GRM8: variants seen among roughly 807,000 people sequenced by gnomAD.
GRM8 encodes the protein metabotropic glutamate receptor 8.
A neutral mutation model predicts 87.2 loss-of-function variants in GRM8; 47 were observed. The ratio of observed to expected loss-of-function variants is 0.54; its 90% CI spans 0.43 to 0.69. The LOEUF (loss-of-function observed/expected upper bound fraction) is 0.69. GRM8 is among the 30% of genes least tolerant of loss of function. The pLI, the probability that GRM8 is intolerant of heterozygous loss-of-function variation, is 0.00. For missense variants in GRM8, 1,019 were observed against 1,139.2 expected (o/e 0.89, Z 1.52); for synonymous variants, 396 against 404.5 (o/e 0.98, Z 0.25).
At chr7:126,720,556 G>T (rs1455399314) in intron 7 of GRM8, among the ~76,000 whole-genome samples, 1 of 152,174 alleles carries the variant, frequency 6.6e-6, no homozygotes, top group Middle Eastern at 3.4e-3. Flanking sequence ...AACCAAAAAT[G>T]TTGCAGTATA....
intron 2 of GRM8, among the ~76,000 whole-genome samples, chr7:127,164,933 A>G (rs181084894): frequency 2.4e-4 from 36 of 151,882 alleles, no homozygotes; most frequent in Admixed American, 1.1e-3. Context: ...ATTTATTAGA[A>G]TTTATATCAG....
At chr7:126,949,207 C>T (rs1471689130) in intron 3 of GRM8, among the ~76,000 whole-genome samples, 1 of 152,146 alleles carries the variant, frequency 6.6e-6, no homozygotes, top group African/African-American at 2.4e-5. Flanking sequence ...AAGCACCTTG[C>T]CTATTTCTAG....
At chr7:126,592,229 T>C (rs894778976) in intron 8 of GRM8, among the ~76,000 whole-genome samples, 1 of 151,604 alleles carries the variant, frequency 6.6e-6, no homozygotes, top group Non-Finnish European at 1.5e-5. Flanking sequence ...ATATCAATTA[T>C]TTAAAACCTT....
intron 9 of GRM8, among the ~76,000 whole-genome samples, chr7:126,481,843 T>C (rs1210642641): frequency 2.0e-5 from 3 of 152,082 alleles, no homozygotes; most frequent in Non-Finnish European, 4.4e-5. Flanking sequence ...ACCATAGTTA[T>C]ATGCAATGTT....
rs913151785 is a variant in GRM8 at position 126,482,100 on chromosome 7, G to A, written c.2431-35728C>T. On this transcript the variant is annotated intron_variant, in intron 9 of 10. Transcript: ENST00000339582. Reference sequence around the variant, plus strand: ...GTAGGAAAATGCAAATCATAAGTATGAGACACCACCTGATACCCATTAGGA... The same window carrying A: ...GTAGGAAAATGCAAATCATAAGTATAAGACACCACCTGATACCCATTAGGA... 2.0e-5 allele frequency among the ~76,000 whole-genome samples: 3 copies of A among 151,988 alleles called. No homozygotes were observed. The East Asian group carries it at 5.8e-4, about 29-fold the overall frequency.
At chr7:126,741,863 C>T (rs991182687) in intron 7 of GRM8, among the ~76,000 whole-genome samples, 1 of 151,998 alleles carries the variant, frequency 6.6e-6, no homozygotes, top group African/African-American at 2.4e-5. Flanking sequence ...GACTAAGTTC[C>T]TTGTCTGTAA....
At chr7:127,071,582 A>T (rs1319784927) in intron 3 of GRM8, among the ~76,000 whole-genome samples, 1 of 152,182 alleles carries the variant, frequency 6.6e-6, no homozygotes, top group Non-Finnish European at 1.5e-5. Context: ...AGTTGGTCGG[A>T]CTGGATCAAA....
intron 3 of GRM8, among the ~76,000 whole-genome samples, chr7:126,919,940 C>T (rs1804342079): frequency 6.6e-6 from 1 of 152,112 alleles, no homozygotes; most frequent in South Asian, 2.1e-4. Flanking sequence ...GAAAATAGAA[C>T]ACATTCATTT....
At chr7:127,207,007 T>C (rs1018013114) in intron 2 of GRM8, among the ~76,000 whole-genome samples, 3 of 152,106 alleles carry the variant, frequency 2.0e-5, no homozygotes, top group Admixed American at 6.5e-5. Context: ...CAAACATGAA[T>C]GCGTGTGAGG....
chr7:127,038,842 A>G (rs1818093108), intron 3 of GRM8, among the ~76,000 whole-genome samples: 1 of 152,244 alleles, frequency 6.6e-6, no homozygotes, highest in Non-Finnish European at 1.5e-5. Flanking sequence ...ACAACTAGAA[A>G]TAATGACAGT....
At chr7:127,213,273 G>T (rs1306497803) in intron 2 of GRM8, among the ~76,000 whole-genome samples, 1 of 152,112 alleles carries the variant, frequency 6.6e-6, no homozygotes, top group Non-Finnish European at 1.5e-5. Context: ...TATTATGGTA[G>T]CCACTAGCCA....
rs945695449 is a variant in GRM8, at chr7:126,526,677, T to C, written c.2430+6275A>G. Among the ~76,000 whole-genome samples the C allele has an allele frequency of 3.9e-5, 6 of 152,302 alleles. No individual in the cohort carries two copies. In the South Asian group the frequency reaches 1.2e-3, roughly 32 times the overall value. ...AAGAAGATGGCTTCCCCCAAAAGAA[T>C]TCCTCCAAATGTTAAAGTTGGTAAT... On this transcript the variant is annotated intron_variant, in intron 9 of 10. Transcript: ENST00000339582.
At chr7:126,460,087 A>C (rs921570536) in intron 9 of GRM8, among the ~76,000 whole-genome samples, 1 of 151,614 alleles carries the variant, frequency 6.6e-6, no homozygotes, top group Non-Finnish European at 1.5e-5. Context: ...GAAGATTCCC[A>C]TGAAGGTCAA....
intron 2 of GRM8, among the ~76,000 whole-genome samples, chr7:127,149,062 AC>A (rs1166974264): frequency 1.3e-5 from 2 of 152,038 alleles, no homozygotes; most frequent in Non-Finnish European, 2.9e-5. Context: ...GGCCACAAAA[AC>A]AAAAATAAAT....
At chr7:127,189,458 T>C (rs1002047181) in intron 2 of GRM8, among the ~76,000 whole-genome samples, 1 of 152,202 alleles carries the variant, frequency 6.6e-6, no homozygotes, top group African/African-American at 2.4e-5. Context: ...AGAAGGACTG[T>C]ACGCCTAAAT....
intron 2 of GRM8, chr7:127,228,487 G>C (rs982102747): frequency 2.6e-5 from 4 of 152,162 alleles, no homozygotes; most frequent in African/African-American, 9.7e-5. Flanking sequence ...ATTGAGCAGA[G>C]AGATGTTTAA....
At chr7:126,744,792 A>C (rs1815449763) in intron 7 of GRM8, among the ~76,000 whole-genome samples, 2 of 151,944 alleles carry the variant, frequency 1.3e-5, no homozygotes, top group South Asian at 4.1e-4. Flanking sequence ...CCAGAACTTA[A>C]CATGGCAACA....
chr7:126,667,998 C>T (rs935186753), intron 7 of GRM8, among the ~76,000 whole-genome samples: 12 of 152,178 alleles, frequency 7.9e-5, no homozygotes, highest in Non-Finnish European at 1.6e-4. Flanking sequence ...CACCAGCAAC[C>T]TACTGAGACA....
At chr7:127,119,787 G>T (rs758605780) in intron 2 of GRM8, among the ~76,000 whole-genome samples, 20 of 152,068 alleles carry the variant, frequency 1.3e-4, no homozygotes, top group South Asian at 6.2e-4. Flanking sequence ...CTCTTACTTG[G>T]CCTAAATGAG....
Sources: gnomAD v4.1 joint callset for allele counts (sites outside exome capture counted in the v4.1 genomes callset) on GRCh38, gnomAD v4.1.1 for gene constraint, MANE v1.5 for transcripts, NCBI Gene and HGNC (gene_info 2026-07-23, HGNC 2026-07-21) for gene names.